The following PALM2AKAP2 variants were observed in gnomAD, a reference collection of about 807,000 sequenced individuals.
PALM2AKAP2 encodes the protein PALM2-AKAP2 fusion protein.
PALM2AKAP2 carries 37 observed loss-of-function variants against 71.5 expected under a neutral mutation model. The observed-to-expected ratio is 0.52, with a 90% CI of 0.40 to 0.68. The LOEUF is 0.68. Ranked by LOEUF, PALM2AKAP2 falls within the 30% of genes least tolerant of loss-of-function variation. The pLI is 0.00. For synonymous variants in PALM2AKAP2, 468 were observed against 478.8 expected (o/e 0.98, Z 0.29); for missense variants, 1,224 against 1,191.8 (o/e 1.03, Z -0.40).
intron 1 of PALM2AKAP2, among the ~76,000 whole-genome samples, chr9:110,132,388 C>T (rs1835754942): frequency 6.6e-6 from 1 of 151,586 alleles, no homozygotes; most frequent in Non-Finnish European, 1.5e-5. Context: ...TGATACCAAG[C>T]CTCACTTCCT....
Position 110,133,690 on chromosome 9 carries a change from G to C in PALM2AKAP2, c.157-2437G>C, listed in dbSNP as rs533103250. Among the ~76,000 whole-genome samples the C allele has an allele frequency of 4.0e-5, 6 of 151,608 alleles. No homozygotes were observed. The South Asian group carries it at 1.3e-3, about 32-fold the overall frequency. ...CCCACCCCGGCCCCCAAGCCAAAAA[G>C]GATAGAAGGAGAGCTCTGTTGTTCC... On this transcript the variant is annotated intron_variant, in intron 1 of 3. Coordinates refer to ENST00000374525, the Ensembl canonical transcript of PALM2AKAP2.
chr9:109,979,238 C>T (rs1832224949), intron 6 of PALM2AKAP2, among the ~76,000 whole-genome samples: 1 of 152,196 alleles, frequency 6.6e-6, no homozygotes, highest in African/African-American at 2.4e-5. Flanking sequence ...AGTGATCCGT[C>T]CACCTCGGCC....
intron 3 of PALM2AKAP2, among the ~76,000 whole-genome samples, chr9:110,165,511 G>A (rs1399297778): frequency 6.6e-6 from 1 of 152,054 alleles, no homozygotes; most frequent in Non-Finnish European, 1.5e-5. Flanking sequence ...TCTTGTCTGT[G>A]CCATTACTAG....
intron 3 of PALM2AKAP2, among the ~76,000 whole-genome samples, chr9:109,913,289 AAAATG>A (rs1830612857): frequency 6.6e-6 from 1 of 152,232 alleles, no homozygotes; most frequent in South Asian, 2.1e-4. Context: ...AAAGGTGTTT[AAAATG>A]TATACTTAGG....
In PALM2AKAP2 at chr9:110,079,078, C is replaced by T. The variant is rs767113690; in HGVS notation, c.156+30223C>T. Reference sequence around the variant, plus strand: ...TCCCTCAGTGATTATTCCCTATTAGCCTGCCAAGAAATATTATTTCCCTTT... The same window carrying T: ...TCCCTCAGTGATTATTCCCTATTAGTCTGCCAAGAAATATTATTTCCCTTT... On this transcript the variant is annotated intron_variant, in intron 1 of 3. Transcript: ENST00000374525. Among the ~76,000 whole-genome samples, 158 of 152,272 alleles carry T rather than the reference C, an allele frequency of 1.0e-3. 1 individual carries two copies. The Middle Eastern group carries it at 0.024, about 23-fold the overall frequency.
intron 1 of PALM2AKAP2, among the ~76,000 whole-genome samples, chr9:109,854,757 A>ATTTTTTT (rs1314151781): frequency 7.7e-6 from 1 of 130,020 alleles, no homozygotes; most frequent in Non-Finnish European, 1.6e-5. Context: ...TTTTAAAAGA[A>ATTTTTTT]TGTATCTTTT....
intron 1 of PALM2AKAP2, among the ~76,000 whole-genome samples, chr9:109,741,884 T>C (rs143687756): frequency 5.3e-5 from 8 of 152,174 alleles, no homozygotes; most frequent in African/African-American, 1.7e-4. Context: ...GCAGAAGGAG[T>C]TTGCTTTTAT....
intron 1 of PALM2AKAP2, among the ~76,000 whole-genome samples, chr9:110,084,868 T>TGGGA (rs1366872094): frequency 2.0e-5 from 3 of 152,006 alleles, no homozygotes; most frequent in African/African-American, 7.2e-5. Context: ...CCCGAGTAGC[T>TGGGA]GGGACTACAG....
intron 1 of PALM2AKAP2, among the ~76,000 whole-genome samples, chr9:109,661,839 T>G (rs899535142): frequency 2.6e-5 from 4 of 152,154 alleles, no homozygotes; most frequent in Non-Finnish European, 2.9e-5. Context: ...TGTTTTATTT[T>G]GTTGAGCAGT....
chr9:110,094,506 G>A (rs1036845745), intron 1 of PALM2AKAP2, among the ~76,000 whole-genome samples: 6 of 152,184 alleles, frequency 3.9e-5, no homozygotes, highest in African/African-American at 9.7e-5. Flanking sequence ...TATCCGCTCA[G>A]CTTCTGGGGA....
At chr9:109,666,993 A>T (rs1441944834) in intron 1 of PALM2AKAP2, among the ~76,000 whole-genome samples, 2 of 152,210 alleles carry the variant, frequency 1.3e-5, no homozygotes, top group African/African-American at 4.8e-5. Flanking sequence ...AACAGAAGGA[A>T]GTGGTGAACA....
chr9:110,135,152 C>CAAAAA (rs1198538795), intron 1 of PALM2AKAP2, among the ~76,000 whole-genome samples: 92 of 26,928 alleles, frequency 3.4e-3, no homozygotes, highest in Middle Eastern at 0.02. Flanking sequence ...TCTGTCTCTA[C>CAAAAA]AAAAAAAAAA....
rs1215173368 is a variant in PALM2AKAP2 at position 109,769,719 on chromosome 9, A to G, written c.6-10769A>G. On this transcript the variant is annotated intron_variant, in intron 1 of 6. Coordinates refer to the PALM2AKAP2 transcript ENST00000374531. ...ACAGTGTTTGAGGGTGATGTGGACA[A>G]ACCGTTTTATTATTCTGTTTCAACA... Among the ~76,000 whole-genome samples, 6 of 152,192 alleles carry G rather than the reference A, an allele frequency of 3.9e-5. No homozygotes were observed. The South Asian group carries it at 1.2e-3, about 32-fold the overall frequency.
At chr9:109,968,873 C>T (rs1017071677) in intron 6 of PALM2AKAP2, among the ~76,000 whole-genome samples, 1 of 152,286 alleles carries the variant, frequency 6.6e-6, no homozygotes, top group Admixed American at 6.5e-5. Context: ...CTTCCAGTGA[C>T]AGAACATGAT....
At chr9:110,168,651 A>G (rs1446533407) in exon 4 of PALM2AKAP2, 4 of 946,160 alleles carry the variant, frequency 4.2e-6, no homozygotes, top group Admixed American at 6.7e-5. Flanking sequence ...AATGATGAAA[A>G]TGAAACGAAA....
intron 6 of PALM2AKAP2, among the ~76,000 whole-genome samples, chr9:110,010,996 CAAAAA>C (rs754903953): frequency 1.8e-4 from 10 of 54,290 alleles, no homozygotes; most frequent in East Asian, 1.5e-3. Flanking sequence ...AACTCTGTCT[CAAAAA>C]AAAAAAAAAA....
intron 1 of PALM2AKAP2, among the ~76,000 whole-genome samples, chr9:110,088,830 C>G (rs966362393): frequency 9.6e-5 from 14 of 146,176 alleles, no homozygotes; most frequent in Non-Finnish European, 2.1e-4. Context: ...AGAAATTCTC[C>G]TGTCTCAGCC....
rs143577558 is a variant in PALM2AKAP2 at position 110,165,721 on chromosome 9, T to C, written c.2749-2678T>C. ...GTTTCCATAATTATGAGTATTATTT[T>C]TCTGCCCATTATACTTTTCGTCACT... On this transcript the variant is annotated intron_variant, in intron 3 of 3. Transcript: ENST00000374525. Among the ~76,000 whole-genome samples the C allele has an allele frequency of 1.8e-3, 281 of 152,362 alleles. 3 individuals are homozygous for C. The highest frequency in any genetic ancestry group is 6.7e-3 in the African/African-American group (277 of 41,586).
intron 1 of PALM2AKAP2, among the ~76,000 whole-genome samples, chr9:109,655,615 AC>A (rs761660307): frequency 5.7e-4 from 85 of 150,206 alleles, no homozygotes; most frequent in East Asian, 1.4e-3. Flanking sequence ...CCCACCCCCT[AC>A]CCCCCATTCT....
Sources: gnomAD v4.1 joint callset for allele counts (sites outside exome capture counted in the v4.1 genomes callset) on GRCh38, gnomAD v4.1.1 for gene constraint, MANE v1.5 for transcripts, NCBI Gene and HGNC (gene_info 2026-07-23, HGNC 2026-07-21) for gene names.